The following ROBO1 variants were observed in gnomAD, a reference collection of about 807,000 sequenced individuals.
The protein encoded by ROBO1 is roundabout guidance receptor 1.
In ROBO1, 149 loss-of-function variants were observed where a neutral mutation model predicts 195.9. The ratio of observed to expected loss-of-function variants is 0.76; its 90% CI spans 0.67 to 0.87. The LOEUF is 0.87. Among genes scored for constraint, ROBO1 ranks in the 40% least tolerant of loss-of-function variants. The pLI is 0.00. For synonymous variants in ROBO1, 816 were observed against 733.2 expected (o/e 1.11, Z -1.82); for missense variants, 1,933 against 2,068.3 (o/e 0.93, Z 1.27).
chr3:79,388,551 G>C (rs2036837134), intron 2 of ROBO1, among the ~76,000 whole-genome samples: 1 of 151,682 alleles, frequency 6.6e-6, no homozygotes, highest in Non-Finnish European at 1.5e-5. Context: ...GAATGAACTA[G>C]CATTGCAGAA....
chr3:78,923,224 G>C (rs145799664), intron 4 of ROBO1, among the ~76,000 whole-genome samples: 60 of 152,154 alleles, frequency 3.9e-4, no homozygotes, highest in African/African-American at 1.3e-3. Context: ...AAACATTTTT[G>C]AGACTTTTTC....
chr3:78,987,213 G>GAAA (rs1488576980), intron 3 of ROBO1, among the ~76,000 whole-genome samples: 6 of 149,704 alleles, frequency 4.0e-5, no homozygotes, highest in African/African-American at 1.2e-4. Context: ...GAAGAAAAAA[G>GAAA]AAAGAGTAAG....
chr3:79,766,768 C>T (rs965589467), intron 1 of ROBO1, among the ~76,000 whole-genome samples: 2 of 152,244 alleles, frequency 1.3e-5, no homozygotes, highest in Non-Finnish European at 2.9e-5. Flanking sequence ...CAAGATGGGG[C>T]AGGGAGAAGG....
chr3:78,837,146 GGT>G (rs2032810236), intron 4 of ROBO1, among the ~76,000 whole-genome samples: 1 of 151,988 alleles, frequency 6.6e-6, no homozygotes, highest in Admixed American at 6.6e-5. Flanking sequence ...ATTAAGTGTT[GGT>G]TCATCAAATT....
At chr3:79,646,141 G>A (rs12493649) in intron 1 of ROBO1, among the ~76,000 whole-genome samples, 41,286 of 151,778 alleles carry the variant, frequency 0.27, 6,779 homozygotes, top group East Asian at 0.48. Flanking sequence ...AAGTAAAGAG[G>A]CAACCAACAG....
At chr3:79,141,778 G>C (rs2080532659) in intron 2 of ROBO1, among the ~76,000 whole-genome samples, 1 of 151,892 alleles carries the variant, frequency 6.6e-6, no homozygotes, top group Non-Finnish European at 1.5e-5. Context: ...CACAGCCTTT[G>C]GACATTTCTA....
At chr3:79,051,741 C>T (rs549342942) in intron 3 of ROBO1, among the ~76,000 whole-genome samples, 3 of 152,240 alleles carry the variant, frequency 2.0e-5, no homozygotes, top group Middle Eastern at 3.4e-3. Context: ...GAAGATTTCA[C>T]AGACATTTAT....
At chr3:78,661,354 TTCTGTCTGGC>T in intron 15 of ROBO1, 93 bp from the exon 16 acceptor site, 1 of 755,822 alleles carries the variant, frequency 1.3e-6, no homozygotes, top group Non-Finnish European at 1.9e-6. Flanking sequence ...ATGCACAAAA[TTCTGTCTGGC>T]TTCATCCCAC....
chr3:79,568,091 T>C (rs1943148789), intron 2 of ROBO1, among the ~76,000 whole-genome samples: 1 of 152,112 alleles, frequency 6.6e-6, no homozygotes, highest in South Asian at 2.1e-4. Flanking sequence ...TCACCTCTCT[T>C]TATAGACGCA....
intron 4 of ROBO1, among the ~76,000 whole-genome samples, chr3:78,850,851 G>A (rs1464642470): frequency 6.6e-6 from 1 of 151,170 alleles, no homozygotes. Flanking sequence ...TTGTTGCCCA[G>A]GCTGGAGTGC....
chr3:79,420,506 A>G (rs1465018490), intron 2 of ROBO1, among the ~76,000 whole-genome samples: 1 of 152,086 alleles, frequency 6.6e-6, no homozygotes, highest in African/African-American at 2.4e-5. Flanking sequence ...ATCCTGGTGA[A>G]AGGTTTAAGG....
intron 4 of ROBO1, among the ~76,000 whole-genome samples, chr3:78,842,939 T>C (rs999111319): frequency 7.9e-5 from 12 of 152,042 alleles, no homozygotes; most frequent in African/African-American, 2.4e-4. Flanking sequence ...TTTGCTACAT[T>C]AGAGGGATTG....
At chr3:78,988,852 G>A (rs577153768) in intron 3 of ROBO1, among the ~76,000 whole-genome samples, 1 of 152,242 alleles carries the variant, frequency 6.6e-6, no homozygotes, top group South Asian at 2.1e-4. Flanking sequence ...CACTGGTATG[G>A]AAAGATCACA....
chr3:79,467,823 TG>T (rs1249099424), intron 2 of ROBO1, among the ~76,000 whole-genome samples: 1 of 152,292 alleles, frequency 6.6e-6, no homozygotes, highest in Admixed American at 6.5e-5. Context: ...TAGACTGCCG[TG>T]GGGCTAGAGC....
intron 2 of ROBO1, among the ~76,000 whole-genome samples, chr3:79,178,186 T>C (rs1462481583): frequency 6.6e-6 from 1 of 152,246 alleles, no homozygotes; most frequent in Non-Finnish European, 1.5e-5. Context: ...ACATGTTTTG[T>C]TCCTTTTTCA....
intron 2 of ROBO1, among the ~76,000 whole-genome samples, chr3:79,554,636 A>C (rs1388297044): frequency 1.3e-5 from 2 of 152,204 alleles, no homozygotes; most frequent in Admixed American, 1.3e-4. Flanking sequence ...ATGTTGAACA[A>C]ACTCCTGAAA....
intron 2 of ROBO1, among the ~76,000 whole-genome samples, chr3:79,308,449 C>T (rs952031312): frequency 5.3e-5 from 8 of 152,172 alleles, no homozygotes; most frequent in South Asian, 2.1e-4. Flanking sequence ...AAGACTTTCA[C>T]TTTACATTTC....
At chr3:78,782,227 T>C (rs1230795532) in intron 4 of ROBO1, among the ~76,000 whole-genome samples, 1 of 152,088 alleles carries the variant, frequency 6.6e-6, no homozygotes, top group Admixed American at 6.6e-5. Context: ...GACAGAGTCT[T>C]GCACTGTTGT....
intron 2 of ROBO1, among the ~76,000 whole-genome samples, chr3:79,524,770 A>C (rs1464743307): frequency 1.3e-5 from 2 of 152,130 alleles, no homozygotes; most frequent in East Asian, 3.8e-4. Context: ...TTGTATCATA[A>C]TGCTTGATCA....
Sources: allele counts gnomAD v4.1 joint callset (sites outside exome capture counted in the v4.1 genomes callset), GRCh38; gene constraint gnomAD v4.1.1; transcripts MANE v1.5; gene names NCBI Gene and HGNC (gene_info 2026-07-23, HGNC 2026-07-21).